NTRK3: variants seen among roughly 807,000 people sequenced by gnomAD.
NTRK3 encodes neurotrophic receptor tyrosine kinase 3.
NTRK3 carries 24 observed loss-of-function variants against 91.7 expected under a neutral mutation model. That is an observed-to-expected ratio of 0.26 (90% CI 0.19 to 0.37). The LOEUF (loss-of-function observed/expected upper bound fraction) is 0.37. NTRK3 is among the 10% of genes least tolerant of loss of function. The probability of loss-of-function intolerance (pLI) is 1.00; values close to 1 mark genes in which losing one functional copy is unlikely to be tolerated. For synonymous variants in NTRK3, 483 were observed against 404.0 expected (o/e 1.20, Z -2.34); for missense variants, 880 against 1,068.9 (o/e 0.82, Z 2.46).
At chr15:87,945,118 G>A (rs151035261) in intron 14 of NTRK3, among the ~76,000 whole-genome samples, 1 of 152,216 alleles carries the variant, frequency 6.6e-6, no homozygotes, top group African/African-American at 2.4e-5. Flanking sequence ...CAGGCCGTGG[G>A]AAGACCTCCC....
chr15:88,071,006 G>T (rs1366478803), intron 13 of NTRK3, among the ~76,000 whole-genome samples: 6 of 152,192 alleles, frequency 3.9e-5, no homozygotes, highest in Non-Finnish European at 8.8e-5. Context: ...CATCAGCCTG[G>T]GCCTGGAATG....
At chr15:88,003,938 T>C (rs112942812) in intron 14 of NTRK3, among the ~76,000 whole-genome samples, 67 of 151,968 alleles carry the variant, frequency 4.4e-4, no homozygotes, top group African/African-American at 1.6e-3. Context: ...TCAAAGAGTC[T>C]CTTGAAAACC....
In NTRK3 at chr15:87,870,181, T is replaced by TACACAC. The variant is rs58874538; in HGVS notation, c.*6748_*6753dup. 5.9e-3 allele frequency: 1,000 copies of TACACAC among 168,212 alleles called. 20 individuals are homozygous for TACACAC. Among genetic ancestry groups the TACACAC allele is most frequent in the Admixed American group, 0.046 (677 of 14,650 alleles). The allele number at this position is 168,212 out of a possible 1,614,324, so 10.4% of individuals were successfully genotyped here. On this transcript the variant is annotated 3_prime_UTR_variant, in exon 19 of 19. Transcript: ENST00000394480. ...CAATGAGCAGATAAAGAAACTGTGG[T>TACACAC]ACACACACACACACACACACACACA...
intron 3 of NTRK3, among the ~76,000 whole-genome samples, chr15:88,238,821 C>T (rs989511569): frequency 1.3e-5 from 2 of 152,162 alleles, no homozygotes; most frequent in African/African-American, 4.8e-5. Context: ...AGCTTGTTTC[C>T]AGTTGTTTTG....
intron 5 of NTRK3, among the ~76,000 whole-genome samples, chr15:88,164,428 C>T (rs921171127): frequency 7.2e-5 from 11 of 152,180 alleles, no homozygotes; most frequent in African/African-American, 2.4e-4. Context: ...TCCAGTTAAC[C>T]CCTGATTTTA....
intron 14 of NTRK3, among the ~76,000 whole-genome samples, chr15:87,991,804 G>A (rs1443177663): frequency 6.6e-6 from 1 of 152,050 alleles, no homozygotes; most frequent in Non-Finnish European, 1.5e-5. Flanking sequence ...GCAAAGCATG[G>A]CAGAAAAGTT....
At chr15:88,147,505 C>CCTCCTT (rs1555525407) in intron 5 of NTRK3, 102 bp from the exon 6 acceptor site, 11 of 660,076 alleles carry the variant, frequency 1.7e-5, no homozygotes, top group Non-Finnish European at 2.7e-5. Flanking sequence ...GCTTTGTTTT[C>CCTCCTT]CTTCTTCTTC....
rs2054006501 is a variant in NTRK3 at position 88,255,864 on chromosome 15, G to C, written c.248+42C>G. On this transcript the variant is annotated intron_variant, in intron 3 of 18. Transcript: ENST00000394480. This position sits in a 1 kb window ranked among gnomAD's most constrained non-coding sequence, Gnocchi z 4.3. ...CGCGGGTGGGCAGGAGGGAGACGCA[G>C]AGCGCGGGGGAGGCAGGCTGGGGAG... is the stretch of plus-strand genomic sequence containing the variant. The C allele has an allele frequency of 1.3e-6, 2 of 1,570,194 alleles. No homozygotes were observed. Among genetic ancestry groups the C allele is most frequent in the Admixed American group, 1.7e-5 (1 of 57,944 alleles).
intron 13 of NTRK3, among the ~76,000 whole-genome samples, chr15:88,113,601 C>A (rs909326337): frequency 6.6e-6 from 1 of 152,182 alleles, no homozygotes; most frequent in Non-Finnish European, 1.5e-5. Flanking sequence ...TAGGCATGAG[C>A]CACCACAGCT....
At chr15:88,062,610 C>T (rs975860682) in intron 13 of NTRK3, among the ~76,000 whole-genome samples, 4 of 152,204 alleles carry the variant, frequency 2.6e-5, no homozygotes, top group African/African-American at 9.6e-5. Flanking sequence ...GATAAAAGGA[C>T]CCCGATGATC....
intron 5 of NTRK3, among the ~76,000 whole-genome samples, chr15:88,175,482 GAATC>G (rs1169443254): frequency 1.3e-5 from 2 of 152,134 alleles, no homozygotes; most frequent in Non-Finnish European, 1.5e-5. Context: ...ACAGAGTTGT[GAATC>G]AATTTTAGAA....
intron 18 of NTRK3, among the ~76,000 whole-genome samples, chr15:87,878,481 A>G (rs973388895): frequency 6.6e-6 from 1 of 152,144 alleles, no homozygotes; most frequent in South Asian, 2.1e-4. Context: ...CCAGCTGCTT[A>G]TATTCCCCAT....
chr15:88,152,623 C>T (rs1334200532), intron 5 of NTRK3, among the ~76,000 whole-genome samples: 4 of 152,232 alleles, frequency 2.6e-5, no homozygotes, highest in African/African-American at 9.6e-5. Context: ...TTAACCCACC[C>T]AGACTGTGGC....
chr15:88,118,082 G>C (rs2052305818), intron 13 of NTRK3, among the ~76,000 whole-genome samples: 1 of 152,240 alleles, frequency 6.6e-6, no homozygotes, highest in Non-Finnish European at 1.5e-5. Context: ...CTTGGTGGCT[G>C]CTGTTTTCAG....
At chr15:87,985,663 C>T (rs1293193985) in intron 14 of NTRK3, among the ~76,000 whole-genome samples, 1 of 152,150 alleles carries the variant, frequency 6.6e-6, no homozygotes, top group Non-Finnish European at 1.5e-5. Flanking sequence ...AGGGAGGGGG[C>T]TGAGGCTGAA....
At chr15:88,197,128 C>G (rs113253990) in intron 3 of NTRK3, among the ~76,000 whole-genome samples, 1 of 59,924 alleles carries the variant, frequency 1.7e-5, no homozygotes, top group Non-Finnish European at 3.9e-5. Flanking sequence ...AAAAAAAAAA[C>G]CTCTGTGATT....
chr15:88,007,328 C>T (rs146527225), intron 14 of NTRK3, among the ~76,000 whole-genome samples: 58 of 152,308 alleles, frequency 3.8e-4, no homozygotes, highest in African/African-American at 1.4e-3. Flanking sequence ...AGCATCAAAT[C>T]CTGCTCACAA....
rs538053675 is a variant in NTRK3 at position 88,136,573 on chromosome 15, G to A, written c.659C>T (p.Thr220Ile). ...AACAGCGTTGTCACCCTCTCGTACG[G>A]TCAGGTTGACGTGGCTCACGCTGAT... The change falls in exon 8 of 19, where the codon ACC becomes ATC. Residue 220 changes from threonine to isoleucine, a missense_variant. By Grantham distance (89) the Thr-to-Ile change is moderately conservative (BLOSUM62 -1). Around this residue, in one of 3 missense-constraint regions of NTRK3, gnomAD observed 743 missense variants for 868.6 expected, o/e 0.86. Coordinates refer to ENST00000394480, the Ensembl canonical transcript of NTRK3. The A allele has an allele frequency of 3.2e-5, 51 of 1,613,652 alleles. 1 individual carries two copies. The South Asian group carries it at 5.4e-4, about 17-fold the overall frequency.
chr15:87,979,796 G>A (rs2074053281), intron 14 of NTRK3, among the ~76,000 whole-genome samples: 1 of 152,132 alleles, frequency 6.6e-6, no homozygotes, highest in Non-Finnish European at 1.5e-5. Flanking sequence ...GAAAGGAGGA[G>A]ACCCTGACGA....
Sources: allele counts gnomAD v4.1 joint callset (sites outside exome capture counted in the v4.1 genomes callset), GRCh38; gene constraint gnomAD v4.1.1; regional missense constraint gnomAD v4.1.1; non-coding constraint Gnocchi (gnomAD v3.1); transcripts MANE v1.5; gene names NCBI Gene and HGNC (gene_info 2026-07-23, HGNC 2026-07-21).